Variants in PTPRD observed in about 807,000 individuals in gnomAD.
PTPRD encodes receptor-type tyrosine-protein phosphatase delta.
A neutral mutation model predicts 214.5 loss-of-function variants in PTPRD; 34 were observed. The observed-to-expected ratio is 0.16, with a 90% CI of 0.12 to 0.21. The LOEUF (loss-of-function observed/expected upper bound fraction) is 0.21, where lower values mean the gene tolerates loss of function less well. Ranked by LOEUF, PTPRD falls within the 10% of genes least tolerant of loss-of-function variation. The probability of loss-of-function intolerance (pLI) is 1.00; values close to 1 mark genes in which losing one functional copy is unlikely to be tolerated. For missense variants in PTPRD, 2,545 were observed against 2,398.7 expected (o/e 1.06, Z -1.27); for synonymous variants, 1,128 against 845.7 (o/e 1.33, Z -5.79).
intron 9 of PTPRD, among the ~76,000 whole-genome samples, chr9:9,296,865 C>T (rs1208410236): frequency 6.6e-6 from 1 of 151,658 alleles, no homozygotes; most frequent in East Asian, 2.0e-4. Flanking sequence ...AAAAGCAAAG[C>T]CTAGACTAAG....
chr9:9,551,172 G>C (rs935490948), intron 8 of PTPRD, among the ~76,000 whole-genome samples: 54 of 152,044 alleles, frequency 3.6e-4, no homozygotes, highest in Middle Eastern at 3.4e-3. Flanking sequence ...AGCTGGGGTA[G>C]TATGGAGGGG....
chr9:8,632,500 T>C (rs1228508915), intron 14 of PTPRD, among the ~76,000 whole-genome samples: 1 of 151,838 alleles, frequency 6.6e-6, no homozygotes, highest in East Asian at 1.9e-4. Context: ...ATGAGTTGTG[T>C]GAGGGAGAGA....
At chr9:9,482,162 G>A (rs1432286720) in intron 8 of PTPRD, among the ~76,000 whole-genome samples, 1 of 151,768 alleles carries the variant, frequency 6.6e-6, no homozygotes, top group Non-Finnish European at 1.5e-5. Flanking sequence ...GATCTTTTGG[G>A]GAGAGGTGGG....
intron 14 of PTPRD, among the ~76,000 whole-genome samples, chr9:8,534,941 C>G (rs1321226907): frequency 6.6e-6 from 1 of 151,890 alleles, no homozygotes; most frequent in Non-Finnish European, 1.5e-5. Context: ...CAGATGGCAT[C>G]ATTCATTCTA....
chr9:10,566,711 CCTT>C (rs1566967861), intron 2 of PTPRD, among the ~76,000 whole-genome samples: 1 of 151,892 alleles, frequency 6.6e-6, no homozygotes, highest in Admixed American at 6.6e-5. Flanking sequence ...AGCTTCTTCT[CCTT>C]CATGGTTTGC....
At chr9:9,670,868 G>C (rs550195737) in intron 7 of PTPRD, among the ~76,000 whole-genome samples, 74 of 152,332 alleles carry the variant, frequency 4.9e-4, no homozygotes, top group African/African-American at 1.7e-3. Flanking sequence ...TGCAGGGGCA[G>C]TGCACTCATG....
chr9:8,876,445 A>G (rs1028474347), intron 11 of PTPRD, among the ~76,000 whole-genome samples: 4 of 152,212 alleles, frequency 2.6e-5, no homozygotes, highest in Non-Finnish European at 5.9e-5. Flanking sequence ...AAATGTCATG[A>G]GTTCTGAAAA....
chr9:9,505,392 C>T (rs554048771), intron 8 of PTPRD, among the ~76,000 whole-genome samples: 1 of 151,454 alleles, frequency 6.6e-6, no homozygotes, highest in South Asian at 2.1e-4. Context: ...CAAAAGTGGC[C>T]CAGATTCATT....
intron 8 of PTPRD, among the ~76,000 whole-genome samples, chr9:9,443,406 G>C (rs1040131330): frequency 2.0e-5 from 3 of 152,164 alleles, no homozygotes; most frequent in African/African-American, 7.2e-5. Context: ...ACAGTTCTTT[G>C]ATATTACTTG....
At chr9:8,361,767 T>G (rs1355794938) in intron 39 of PTPRD, among the ~76,000 whole-genome samples, 2 of 152,126 alleles carry the variant, frequency 1.3e-5, no homozygotes, top group African/African-American at 4.8e-5. Flanking sequence ...TCTCTCCACT[T>G]TGGGGTATGT....
intron 44 of PTPRD, among the ~76,000 whole-genome samples, chr9:8,330,495 G>C (rs1234226020): frequency 6.6e-6 from 1 of 152,296 alleles, no homozygotes; most frequent in Middle Eastern, 3.4e-3. Context: ...AGGTATGCCT[G>C]TATTTGATTC....
intron 6 of PTPRD, among the ~76,000 whole-genome samples, chr9:9,757,832 C>A (rs1294065450): frequency 6.6e-6 from 1 of 152,056 alleles, no homozygotes; most frequent in East Asian, 1.9e-4. Context: ...CTCATCATAA[C>A]TAAGAATTTT....
chr9:9,702,434 G>C (rs1359980234), intron 7 of PTPRD, among the ~76,000 whole-genome samples: 2 of 152,146 alleles, frequency 1.3e-5, no homozygotes, highest in African/African-American at 4.8e-5. Context: ...TTCTAAAGAT[G>C]ACAAATAGAC....
chr9:9,885,632 G>C (rs1402117684), intron 5 of PTPRD, among the ~76,000 whole-genome samples: 1 of 152,020 alleles, frequency 6.6e-6, no homozygotes, highest in Admixed American at 6.6e-5. Flanking sequence ...GGTAGTTTTA[G>C]AGAATGAAAT....
chr9:9,500,868 T>C (rs1266408902), intron 8 of PTPRD, among the ~76,000 whole-genome samples: 1 of 152,046 alleles, frequency 6.6e-6, no homozygotes, highest in African/African-American at 2.4e-5. Context: ...AACGGATGAT[T>C]CTAAATGGAC....
intron 8 of PTPRD, among the ~76,000 whole-genome samples, chr9:9,425,253 C>A (rs1400007152): frequency 6.6e-6 from 1 of 151,770 alleles, no homozygotes; most frequent in African/African-American, 2.4e-5. Flanking sequence ...AGAGACATAC[C>A]AAATATGCTG....
chr9:9,251,421 T>G (rs1258677691), intron 9 of PTPRD, among the ~76,000 whole-genome samples: 1 of 152,140 alleles, frequency 6.6e-6, no homozygotes, highest in Non-Finnish European at 1.5e-5. Flanking sequence ...GTTTTAAAGC[T>G]CTATGCCTTT....
chr9:9,819,288 C>T (rs929059343), intron 5 of PTPRD, among the ~76,000 whole-genome samples: 1 of 152,094 alleles, frequency 6.6e-6, no homozygotes, highest in Non-Finnish European at 1.5e-5. Context: ...TATTACAGGT[C>T]TCTATAACTA....
chr9:9,993,871 TG>T (rs1190715394), intron 4 of PTPRD, among the ~76,000 whole-genome samples: 6 of 152,212 alleles, frequency 3.9e-5, no homozygotes, highest in African/African-American at 1.4e-4. Context: ...CAGTGAATCA[TG>T]TTAACTGATC....
Sources: allele counts gnomAD v4.1 joint callset (sites outside exome capture counted in the v4.1 genomes callset), GRCh38; gene constraint gnomAD v4.1.1; transcripts MANE v1.5; gene names NCBI Gene and HGNC (gene_info 2026-07-23, HGNC 2026-07-21).